GAK: variants seen among roughly 807,000 people sequenced by gnomAD.
The protein encoded by GAK is cyclin-G-associated kinase.
A neutral mutation model predicts 143.9 loss-of-function variants in GAK; 79 were observed. That is an observed-to-expected ratio of 0.55 (90% CI 0.46 to 0.66). GAK has a LOEUF of 0.66. GAK is among the 30% of genes least tolerant of loss of function. GAK has a pLI of 0.00. For missense variants in GAK, 1,693 were observed against 1,779.7 expected (o/e 0.95, Z 0.88); for synonymous variants, 881 against 765.5 (o/e 1.15, Z -2.49).
intron 13 of GAK, 44 bp downstream of exon 13, chr4:883,271 G>A (rs371671197): frequency 6.2e-7 from 1 of 1,602,158 alleles, no homozygotes; most frequent in Non-Finnish European, 8.5e-7. Context: ...TGGAGCGGAA[G>A]GAAGCTCCAG....
At chr4:861,483 C>A (rs1454996257) in intron 23 of GAK, among the ~76,000 whole-genome samples, 1 of 152,094 alleles carries the variant, frequency 6.6e-6, no homozygotes, top group Non-Finnish European at 1.5e-5. Flanking sequence ...CCCAGCTACC[C>A]AGGAGGCTGA....
At chr4:923,292 C>T (rs773177744) in intron 1 of GAK, among the ~76,000 whole-genome samples, 8 of 152,220 alleles carry the variant, frequency 5.3e-5, no homozygotes, top group South Asian at 2.1e-4. Context: ...ATAATAGTAA[C>T]GTATAAGACA....
intron 11 of GAK, among the ~76,000 whole-genome samples, chr4:885,129 G>C (rs6837528): frequency 4.0e-5 from 6 of 151,356 alleles, no homozygotes; most frequent in Non-Finnish European, 4.4e-5. Context: ...TAAACCCACC[G>C]AGCAGGTGCT....
chr4:899,981 A>C (rs1044336026), intron 5 of GAK, among the ~76,000 whole-genome samples: 17 of 152,254 alleles, frequency 1.1e-4, no homozygotes, highest in Admixed American at 5.9e-4. Context: ...GCTGAGCAAG[A>C]AAATCAGATG....
At chr4:917,038 C>T (rs897849125) in intron 1 of GAK, among the ~76,000 whole-genome samples, 3 of 152,138 alleles carry the variant, frequency 2.0e-5, no homozygotes, top group Admixed American at 6.5e-5. Flanking sequence ...GAATAACACA[C>T]GAAAAGGCAG....
intron 3 of GAK, 57 bp downstream of exon 3, chr4:912,678 G>T: frequency 7.1e-7 from 1 of 1,409,056 alleles, no homozygotes; most frequent in Non-Finnish European, 1.0e-6. Flanking sequence ...ACAGCTTGAC[G>T]CAGGCCTGTG....
chr4:895,935 C>T (rs1718682484), intron 7 of GAK, among the ~76,000 whole-genome samples: 1 of 152,220 alleles, frequency 6.6e-6, no homozygotes, highest in South Asian at 2.1e-4. Flanking sequence ...ACAGGACGCC[C>T]CCAACTGCTA....
rs756887055 is a variant in GAK at position 867,278 on chromosome 4, G to T, written c.2550C>A (p.Pro850=). ...GCTGCACCAGCCCTGCTGCCAGGCC[G>T]GGGGGCTCTGGGTCGGCCCTGGGTT... ...GQEPRADPEP[P]GLAAGLVQQD... is the part of the protein sequence containing the mutation. The change falls in exon 21 of 28, where the codon CCC becomes CCA. Residue 850 remains proline (P), a synonymous_variant. Coordinates refer to ENST00000314167, the MANE Select transcript of GAK (RefSeq NM_005255.4). 21 of 1,612,612 alleles carry T rather than the reference G, an allele frequency of 1.3e-5. No homozygotes were observed. Among genetic ancestry groups the T allele is most frequent in the Non-Finnish European group, 1.6e-5 (19 of 1,179,278 alleles).
rs145911873 is a variant in GAK, at chr4:868,578, C to T, written c.2356G>A (p.Ala786Thr). Residue 786 changes from alanine to threonine, a missense_variant, in exon 20 of 28, where the codon GCG becomes ACG. By Grantham distance (58) the Ala-to-Thr change is moderately conservative. Around this residue, in one of 2 missense-constraint regions of GAK, gnomAD observed 822 missense variants for 788.7 expected, o/e 1.04. Coordinates refer to ENST00000314167, the MANE Select transcript of GAK (RefSeq NM_005255.4). ...GTGTGCAGGAAGCGACTGGCGTCCGCGCTGCTGCTTGGCGGTGAGTCAGAG... is the reference window on the plus strand; with the variant it reads ...GTGTGCAGGAAGCGACTGGCGTCCGTGCTGCTGCTTGGCGGTGAGTCAGAG... The part of the protein sequence containing the change: ...TDSDSPPSSS[A>T]DASRFLHTLD... 465 of 1,606,454 alleles carry T rather than the reference C, an allele frequency of 2.9e-4. 1 individual carries two copies. The highest frequency in any genetic ancestry group is 4.0e-4 in the Admixed American group (24 of 59,392).
chr4:894,064 C>T, intron 7 of GAK, 55 bp from the exon 8 acceptor site: 3 of 1,480,188 alleles, frequency 2.0e-6, no homozygotes, highest in Middle Eastern at 1.8e-4. Flanking sequence ...GGGGTGACGC[C>T]TGGGCCTGCG....
At chr4:866,891 A>G (rs1258863878) in intron 21 of GAK, 65 bp downstream of exon 21, 3 of 1,219,256 alleles carry the variant, frequency 2.5e-6, no homozygotes, top group Non-Finnish European at 3.4e-6. Flanking sequence ...CCATGCAGTG[A>G]GAATGACTCA....
intron 7 of GAK, 31 bp downstream of exon 7, chr4:896,429 G>A (rs1268961606): frequency 1.3e-6 from 2 of 1,589,380 alleles, no homozygotes; most frequent in Non-Finnish European, 8.6e-7. Flanking sequence ...CACGGAGCCA[G>A]GCACTGCCAC....
chr4:882,959 G>T, intron 13 of GAK, 140 bp from the exon 14 acceptor site: 1 of 1,084,084 alleles, frequency 9.2e-7, no homozygotes, highest in Non-Finnish European at 1.3e-6. Context: ...CGCGAGACCT[G>T]AGCACCAGGG....
rs369476372 is a variant in GAK at position 883,396 on chromosome 4, G to T, written c.1323C>A (p.Phe441Leu). The change falls in exon 13 of 28, where the codon TTC (phenylalanine) becomes TTA (leucine). Residue 441 changes from phenylalanine to leucine, a missense_variant. Physicochemically the swap from Phe to Leu is conservative, Grantham distance 22. Coordinates refer to ENST00000314167, the MANE Select transcript of GAK (RefSeq NM_005255.4). ...AGTGCCCTGGGTGCTTGGAGTCCAGGAACAACCGCACATCTTCGATGTTGT... is the reference window on the plus strand; with the variant it reads ...AGTGCCCTGGGTGCTTGGAGTCCAGTAACAACCGCACATCTTCGATGTTGT... ...LKNNIEDVRL[F>L]LDSKHPGHYA... 20 of 1,613,692 alleles carry T rather than the reference G, an allele frequency of 1.2e-5. No individual in the cohort carries two copies. Among genetic ancestry groups the T allele is most frequent in the Non-Finnish European group, 1.5e-5 (18 of 1,180,022 alleles).
chr4:856,464 C>T (rs537111916), intron 24 of GAK, among the ~76,000 whole-genome samples: 1 of 147,864 alleles, frequency 6.8e-6, no homozygotes, highest in African/African-American at 2.5e-5. Flanking sequence ...AGCTGCTCAC[C>T]ACAGCTGCTC....
At chr4:896,402 T>C in intron 7 of GAK, 58 bp downstream of exon 7, 2 of 1,439,042 alleles carry the variant, frequency 1.4e-6, no homozygotes, top group Non-Finnish European at 9.7e-7. Flanking sequence ...CCACGCCGCC[T>C]CAGGTTAAGT....
chr4:899,191 T>C (rs1018884369), intron 5 of GAK, among the ~76,000 whole-genome samples: 10 of 152,146 alleles, frequency 6.6e-5, no homozygotes, highest in African/African-American at 2.4e-4. Context: ...CAAGGAAGCC[T>C]CAGCCCCAAC....
intron 3 of GAK, chr4:912,360 C>G: frequency 2.7e-6 from 1 of 366,486 alleles, no homozygotes; most frequent in Non-Finnish European, 5.4e-6. Context: ...GAAGCCACAT[C>G]GGGGCCTGTG....
chr4:899,030 C>T (rs1273835042), intron 5 of GAK, among the ~76,000 whole-genome samples: 1 of 152,124 alleles, frequency 6.6e-6, no homozygotes, highest in Admixed American at 6.5e-5. Flanking sequence ...AGGCTGCACG[C>T]GTGACAAGGC....
Sources: gnomAD v4.1 joint callset for allele counts (sites outside exome capture counted in the v4.1 genomes callset) on GRCh38, gnomAD v4.1.1 for gene constraint, gnomAD v4.1.1 regional missense constraint, MANE v1.5 for transcripts, NCBI Gene and HGNC (gene_info 2026-07-23, HGNC 2026-07-21) for gene names.